Variants in SPATA25 observed in about 807,000 individuals in gnomAD.
SPATA25 encodes the protein spermatogenesis-associated protein 25.
A neutral mutation model predicts 16.0 loss-of-function variants in SPATA25; 16 were observed. The ratio of observed to expected loss-of-function variants is 1.00; its 90% CI spans 0.68 to 1.52. SPATA25 has a LOEUF of 1.52. Ranked by LOEUF, SPATA25 falls within the 40% of genes most tolerant of loss-of-function variation. The pLI is 0.00. For missense variants in SPATA25, 285 were observed against 289.2 expected (o/e 0.99, Z 0.11); for synonymous variants, 115 against 118.5 (o/e 0.97, Z 0.19).
At chr20:45,887,882 C>T (rs1474016598), upstream of SPATA25, among the ~76,000 whole-genome samples, 1 of 152,142 alleles carries the variant, frequency 6.6e-6, no homozygotes, top group African/African-American at 2.4e-5. Context: ...TGCCCACTAC[C>T]TCATTAGGAG....
chr20:45,890,250 A>G (rs1986694237), upstream of SPATA25: 1 of 1,613,760 alleles, frequency 6.2e-7, no homozygotes, highest in Non-Finnish European at 8.5e-7. Flanking sequence ...GGATACCTAC[A>G]GCCATACTCG....
At position 45,887,059 on chromosome 20, in the gene SPATA25, T is replaced by C; in HGVS notation, c.142A>G (p.Ser48Gly). ...VVASGGTGPL[S>G]QKAEQVAPAA... ...GGTGCCACCTGCTCAGCTTTCTGGC[T>C]CAGTGGGCCTGTTCCACCAGAGGCC... is the stretch of plus-strand genomic sequence containing the variant. The change falls in exon 2 of 2, where the codon AGC becomes GGC. Residue 48 changes from serine (S) to glycine (G), a missense_variant. By Grantham distance (56) the Ser-to-Gly change is moderately conservative (BLOSUM62 0). Transcript: ENST00000372519. 1 of 1,609,206 alleles carries C rather than the reference T, an allele frequency of 6.2e-7. No individual in the cohort carries two copies.
Position 45,886,980 on chromosome 20 carries a change from G to C in SPATA25, c.221C>G (p.Pro74Arg). ...ALAMPQARGC[P>R]GGTSWETLRK... ...TAGTGTCTCCCAGCTAGTCCCCCCA[G>C]GGCAGCCCCTGGCTTGTGGCATTGC... The change falls in exon 2 of 2, where the codon CCT (proline) becomes CGT (arginine). Residue 74 changes from proline (P) to arginine (R), a missense_variant. Pro to Arg is a moderately radical substitution (Grantham distance 103, BLOSUM62 -2). Transcript: ENST00000372519. 6.2e-7 allele frequency: 1 copy of C among 1,613,894 alleles called. No homozygotes were observed.
At chr20:45,888,953 T>A, upstream of SPATA25, 10 of 1,549,056 alleles carry the variant, frequency 6.5e-6, no homozygotes, top group Non-Finnish European at 8.8e-6. Context: ...TAGGTCATGG[T>A]CCCCACTTTG....
At chr20:45,887,265 T>C in intron 1 of SPATA25, 120 bp from the exon 2 acceptor site, 1 of 1,276,006 alleles carries the variant, frequency 7.8e-7, no homozygotes. Flanking sequence ...GCGGACTGTC[T>C]AGAGGTTGGG....
chr20:45,890,856 C>A (rs201696722), upstream of SPATA25: 106 of 1,569,180 alleles, frequency 6.8e-5, no homozygotes, highest in Non-Finnish European at 1.9e-5. Flanking sequence ...AAGCTCTCCA[C>A]GCGTGTGGCC....
chr20:45,890,943 C>T, upstream of SPATA25: 1 of 1,521,906 alleles, frequency 6.6e-7, no homozygotes, highest in Admixed American at 2.2e-5. Flanking sequence ...TCCGGGCGCT[C>T]GAGTCCCCAG....
At chr20:45,887,212 G>C in intron 1 of SPATA25, 67 bp from the exon 2 acceptor site, 2 of 1,519,706 alleles carry the variant, frequency 1.3e-6, no homozygotes, top group South Asian at 2.5e-5. Context: ...TGAGGGGCAG[G>C]GCATGGGAGC....
At chr20:45,890,691 G>C (rs1355757461), upstream of SPATA25, 2 of 1,613,790 alleles carry the variant, frequency 1.2e-6, no homozygotes, top group South Asian at 2.2e-5. Context: ...AGATCGGGCA[G>C]AGAAAACTCG....
upstream of SPATA25, chr20:45,889,035 T>TCAGGAAGAGG: frequency 1.4e-6 from 1 of 718,620 alleles, no homozygotes; most frequent in Non-Finnish European, 2.3e-6. Context: ...GAAGCACCTC[T>TCAGGAAGAGG]TCCTGAGAGC....
chr20:45,890,728 C>A (rs1400588088), upstream of SPATA25: 12 of 1,613,266 alleles, frequency 7.4e-6, no homozygotes, highest in African/African-American at 9.3e-5. Context: ...TGGCGGGGTC[C>A]AGCGCGGTCA....
upstream of SPATA25, chr20:45,887,699 T>C (rs1295354820): frequency 6.9e-6 from 7 of 1,008,824 alleles, no homozygotes; most frequent in Non-Finnish European, 1.0e-5. Context: ...ACACTTGGAA[T>C]CCACTTTACA....
At chr20:45,888,843 A>G (rs967553598), upstream of SPATA25, 3 of 1,613,994 alleles carry the variant, frequency 1.9e-6, no homozygotes, top group Non-Finnish European at 2.5e-6. Context: ...CCTTTGTATC[A>G]CTAGGCGGCA....
upstream of SPATA25, chr20:45,890,059 G>C: frequency 1.6e-6 from 1 of 618,742 alleles, no homozygotes; most frequent in Non-Finnish European, 2.8e-6. Context: ...AATCAACCAA[G>C]ATAGGTACCA....
chr20:45,887,217 G>A (rs1986517381), intron 1 of SPATA25, 72 bp from the exon 2 acceptor site: 2 of 1,514,064 alleles, frequency 1.3e-6, no homozygotes, highest in Non-Finnish European at 1.8e-6. Context: ...GGCAGGGCAT[G>A]GGAGCAGAGC....
At chr20:45,888,646 C>T (rs1291641280), upstream of SPATA25, 1 of 971,324 alleles carries the variant, frequency 1.0e-6, no homozygotes, top group Non-Finnish European at 1.6e-6. Flanking sequence ...AAGATGTCAG[C>T]ATCGGCTGTT....
upstream of SPATA25, among the ~76,000 whole-genome samples, chr20:45,888,407 T>G (rs1349164171): frequency 2.6e-5 from 4 of 152,220 alleles, no homozygotes; most frequent in Admixed American, 1.3e-4. Context: ...GAGAATCTCT[T>G]GAGAAGCTTT....
At chr20:45,890,298 C>G (rs762537945), upstream of SPATA25, 2 of 1,613,522 alleles carry the variant, frequency 1.2e-6, no homozygotes, top group Admixed American at 1.7e-5. Flanking sequence ...GAAGCAAACA[C>G]GTCCACCACC....
chr20:45,889,070 A>G (rs931863949), upstream of SPATA25, among the ~76,000 whole-genome samples: 3 of 152,172 alleles, frequency 2.0e-5, no homozygotes, highest in African/African-American at 7.2e-5. Flanking sequence ...AGCCCTGTTT[A>G]TATCATAACA....
Sources: gnomAD v4.1 joint callset for allele counts (sites outside exome capture counted in the v4.1 genomes callset) on GRCh38, gnomAD v4.1.1 for gene constraint, MANE v1.5 for transcripts, NCBI Gene and HGNC (gene_info 2026-07-23, HGNC 2026-07-21) for gene names.